The following POC5 variants were observed in gnomAD, a reference collection of about 807,000 sequenced individuals.
The protein encoded by POC5 is centrosomal protein POC5.
Under a neutral mutation model 62.9 loss-of-function variants are expected in POC5, and 48 were observed. That is an observed-to-expected ratio of 0.76 (90% CI 0.61 to 0.97). The LOEUF is 0.97. Among genes scored for constraint, POC5 ranks in the 50% least tolerant of loss-of-function variants. The pLI is 0.00. For synonymous variants in POC5, 236 were observed against 228.2 expected (o/e 1.03, Z -0.31); for missense variants, 696 against 679.5 (o/e 1.02, Z -0.27).
chr5:75,707,665 C>T (rs1777180436), intron 3 of POC5, 72 bp downstream of exon 3: 1 of 1,229,214 alleles, frequency 8.1e-7, no homozygotes, highest in Admixed American at 2.3e-5. Flanking sequence ...GGCATTTTCA[C>T]AATCCTGTCA....
intron 2 of POC5, chr5:75,712,488 G>C: frequency 1.3e-6 from 2 of 1,542,184 alleles, no homozygotes; most frequent in Non-Finnish European, 1.8e-6. Context: ...TTGAGCTCTA[G>C]AACTTTGGAT....
intron 9 of POC5, among the ~76,000 whole-genome samples, chr5:75,687,906 C>T (rs1481291833): frequency 1.3e-5 from 2 of 152,070 alleles, no homozygotes; most frequent in African/African-American, 4.8e-5. Flanking sequence ...AGTTTGTTTT[C>T]AACCCTGATA....
intron 6 of POC5, 100 bp from the exon 7 acceptor site, chr5:75,692,600 G>T: frequency 2.8e-6 from 2 of 712,926 alleles, no homozygotes; most frequent in Non-Finnish European, 4.5e-6. Flanking sequence ...GGATAGGTAT[G>T]GATCACTACT....
chr5:75,712,267 A>C (rs2112215714), intron 2 of POC5: 2 of 1,308,236 alleles, frequency 1.5e-6, no homozygotes, highest in East Asian at 4.7e-5. Context: ...TCTCATATTT[A>C]AAATCTACTC....
intron 10 of POC5, among the ~76,000 whole-genome samples, chr5:75,681,841 A>T (rs1775878511): frequency 6.6e-6 from 1 of 152,094 alleles, no homozygotes; most frequent in Non-Finnish European, 1.5e-5. Flanking sequence ...CAGGATTGCA[A>T]ATCTCTCTCT....
Position 75,674,292 on chromosome 5 carries a change from T to C in POC5, c.*143A>G, listed in dbSNP as rs1315149327. The stretch of plus-strand genomic sequence containing the variant: ...ATATAGTTACAAAGCATGGTAGAGC[T>C]TGAAAAAGCCTCTTGTAATTTTGAA... On this transcript the variant is annotated 3_prime_UTR_variant, in exon 12 of 12. Transcript: ENST00000428202. 7.9e-6 allele frequency: 6 copies of C among 758,064 alleles called. No homozygotes were observed. Among genetic ancestry groups the C allele is most frequent in the Non-Finnish European group, 1.0e-5 (5 of 498,490 alleles). 47.0% of individuals were successfully genotyped at this position (758,064 alleles called of 1,614,324 possible). A position where few individuals can be genotyped will look rare whatever the true frequency, so the allele number is the denominator to read the frequency against.
chr5:75,716,957 A>G (rs1158718050), intron 1 of POC5, among the ~76,000 whole-genome samples: 1 of 152,252 alleles, frequency 6.6e-6, no homozygotes, highest in East Asian at 1.9e-4. Flanking sequence ...CATTGCAGTA[A>G]GCAAAAGGCC....
chr5:75,702,828 T>C lies in POC5; in HGVS notation c.308-18A>G. The stretch of plus-strand genomic sequence containing the variant: ...TGATGACTCTGAATAAAAGAAAAGT[T>C]GTAGCTGTCAAGCCAAATTGAAAAT... On this transcript the variant is annotated intron_variant, in intron 4 of 11. Transcript: ENST00000428202. 1 of 1,531,172 alleles carries C rather than the reference T, an allele frequency of 6.5e-7. No homozygotes were observed. Among genetic ancestry groups the C allele is most frequent in the Non-Finnish European group, 8.9e-7 (1 of 1,127,378 alleles). 94.8% of individuals were successfully genotyped at this position (1,531,172 alleles called of 1,614,324 possible).
chr5:75,690,791 A>G (rs1277435732), intron 7 of POC5, among the ~76,000 whole-genome samples: 1 of 152,236 alleles, frequency 6.6e-6, no homozygotes, highest in Non-Finnish European at 1.5e-5. Context: ...CCAGAGACTG[A>G]GCTCTTATCC....
chr5:75,702,791 C>T lies in POC5; in HGVS notation c.327G>A (p.Ser109=), dbSNP rs746124583. Residue 109 remains serine, a synonymous_variant, in exon 5 of 12, where the codon TCG becomes TCA. Coordinates refer to ENST00000428202, the MANE Select transcript of POC5 (RefSeq NM_001099271.2). ...TGACTGGGTGAGAAGGCTTCCTTGG[C>T]GATAACACTGGTGATGACTCTGAAT... ...SKTDESSPVL[S]PRKPSHPVMD... 21 of 1,579,988 alleles carry T rather than the reference C, an allele frequency of 1.3e-5. No homozygotes were observed. The highest frequency in any genetic ancestry group is 2.3e-5 in the South Asian group (2 of 86,370).
chr5:75,674,623 A>G, intron 11 of POC5, 45 bp from the exon 12 acceptor site: 4 of 1,580,218 alleles, frequency 2.5e-6, no homozygotes, highest in Non-Finnish European at 3.5e-6. Context: ...AAGATTATGT[A>G]TACTATGTAT....
rs750333825 is a variant in POC5 at position 75,712,659 on chromosome 5, A to G, written c.84+195T>C. Reference sequence around the variant, plus strand: ...TACAGAGTGTATGAAGAGTTCATCAATATTTTCTGAAAAGTTAAAACAATG... The same window carrying G: ...TACAGAGTGTATGAAGAGTTCATCAGTATTTTCTGAAAAGTTAAAACAATG... On this transcript the variant is annotated intron_variant, in intron 2 of 11. Coordinates refer to ENST00000428202, the MANE Select transcript of POC5 (RefSeq NM_001099271.2). 14 of 713,690 alleles carry G rather than the reference A, an allele frequency of 2.0e-5. 1 individual carries two copies. The South Asian group carries it at 2.2e-4, about 11-fold the overall frequency. 44.2% of individuals were successfully genotyped at this position (713,690 alleles called of 1,614,324 possible). A position where few individuals can be genotyped will look rare whatever the true frequency, so the allele number is the denominator to read the frequency against.
chr5:75,705,888 A>G, intron 3 of POC5, 101 bp from the exon 4 acceptor site: 1 of 673,990 alleles, frequency 1.5e-6, no homozygotes, highest in Non-Finnish European at 2.4e-6. Context: ...ATATTTTAGA[A>G]CAAACAAAAT....
At chr5:75,706,256 A>G (rs1777116858) in intron 3 of POC5, among the ~76,000 whole-genome samples, 1 of 152,212 alleles carries the variant, frequency 6.6e-6, no homozygotes, top group Admixed American at 6.5e-5. Context: ...ACCTCTCAAG[A>G]ATGACTGTTA....
intron 6 of POC5, among the ~76,000 whole-genome samples, chr5:75,693,132 AAT>A (rs1300882422): frequency 2.0e-5 from 3 of 147,800 alleles, no homozygotes; most frequent in South Asian, 2.1e-4. Context: ...TATATAAGTA[AAT>A]ATATATAATT....
Position 75,694,817 on chromosome 5 carries a change from A to G in POC5, c.528T>C (p.Ser176=), listed in dbSNP as rs375718089. Residue 176 remains serine (S), a synonymous_variant, in exon 6 of 12, where the codon TCT becomes TCC. Transcript: ENST00000428202. ...WSSGLKTNII[S]ELSKWRLNFI... is the part of the protein sequence containing the mutation. ...AATTAAGTCTCCATTTACTTAGTTC[A>G]GATATGATGTTTGTCTGAAAAATTA... 8 of 1,534,150 alleles carry G rather than the reference A, an allele frequency of 5.2e-6. No individual in the cohort carries two copies. The highest frequency in any genetic ancestry group is 4.5e-5 in the East Asian group (2 of 44,166).
At chr5:75,714,337 G>C (rs1156596446) in intron 1 of POC5, among the ~76,000 whole-genome samples, 1 of 151,936 alleles carries the variant, frequency 6.6e-6, no homozygotes, top group African/African-American at 2.4e-5. Context: ...AGCCAAGATC[G>C]CACCACTGCA....
intron 1 of POC5, among the ~76,000 whole-genome samples, chr5:75,716,409 A>T (rs941392661): frequency 5.8e-5 from 8 of 137,264 alleles, no homozygotes; most frequent in African/African-American, 1.6e-4. Flanking sequence ...CTGATTATTT[A>T]AAAATGAGCT....
At chr5:75,694,869 C>A (rs376015445) in intron 5 of POC5, 38 bp from the exon 6 acceptor site, 6 of 1,342,040 alleles carry the variant, frequency 4.5e-6, no homozygotes, top group South Asian at 2.9e-5. Context: ...GTAGTTTGTT[C>A]GTTAATATCA....
Sources: allele counts gnomAD v4.1 joint callset (sites outside exome capture counted in the v4.1 genomes callset), GRCh38; gene constraint gnomAD v4.1.1; transcripts MANE v1.5; gene names NCBI Gene and HGNC (gene_info 2026-07-23, HGNC 2026-07-21).